The following BLTP1 variants were observed in gnomAD, a reference collection of about 807,000 sequenced individuals.
The protein encoded by BLTP1 is bridge-like lipid transfer protein family member 1.
chr4:122,242,530 AACTG>A, the BLTP1 span, among the ~76,000 whole-genome samples: 5 of 152,198 alleles, frequency 3.3e-5, no homozygotes, highest in African/African-American at 1.2e-4. Flanking sequence ...AAGTCTAAAT[AACTG>A]ACAAGCATTT....
At chr4:122,355,796 A>G in the BLTP1 span, 1 of 1,594,608 alleles carries the variant, frequency 6.3e-7, no homozygotes, top group Non-Finnish European at 8.6e-7. Flanking sequence ...ATGCATGTAG[A>G]GCTAAATCTG....
the BLTP1 span, chr4:122,286,733 C>G: frequency 1.9e-6 from 3 of 1,613,864 alleles, no homozygotes; most frequent in Non-Finnish European, 2.5e-6. Flanking sequence ...GATGAACTGC[C>G]TTCTAAACAA....
the BLTP1 span, chr4:122,305,737 A>G: frequency 7.4e-7 from 1 of 1,345,330 alleles, no homozygotes; most frequent in Non-Finnish European, 9.7e-7. Flanking sequence ...GGTACAGAGT[A>G]TAAGGAATAT....
At chr4:122,194,520 C>T in the BLTP1 span, 1 of 886,960 alleles carries the variant, frequency 1.1e-6, no homozygotes, top group African/African-American at 1.8e-5. Flanking sequence ...AGAGATTTTA[C>T]ATTTCATTAA....
the BLTP1 span, chr4:122,185,449 A>T: frequency 3.7e-5 from 36 of 983,946 alleles, no homozygotes; most frequent in South Asian, 1.6e-3. Flanking sequence ...CTTAGTAGAA[A>T]CAAGTGCCTC....
the BLTP1 span, chr4:122,167,906 A>C: frequency 2.0e-6 from 2 of 985,344 alleles, no homozygotes; most frequent in Non-Finnish European, 2.4e-6. Context: ...CGTTTGCTCC[A>C]TGAAGATTTT....
the BLTP1 span, chr4:122,271,793 T>C: frequency 9.9e-7 from 1 of 1,009,896 alleles, no homozygotes; most frequent in South Asian, 1.8e-5. Flanking sequence ...AGCAGAAGAC[T>C]GTTCATCATG....
the BLTP1 span, chr4:122,276,051 T>C: frequency 1.9e-6 from 3 of 1,541,194 alleles, no homozygotes; most frequent in African/African-American, 2.8e-5. Context: ...TTTCATGGCT[T>C]TGTAATTACT....
the BLTP1 span, among the ~76,000 whole-genome samples, chr4:122,297,546 C>T: frequency 2.6e-5 from 4 of 152,190 alleles, no homozygotes; most frequent in Non-Finnish European, 1.5e-5. Flanking sequence ...GCCCAGCAAT[C>T]CCATTACTGG....
the BLTP1 span, chr4:122,226,304 A>G: frequency 7.4e-6 from 5 of 676,848 alleles, no homozygotes; most frequent in Admixed American, 1.9e-4. Flanking sequence ...CTGTAGCTCA[A>G]TGTGATATTT....
chr4:122,334,916 A>G, the BLTP1 span, among the ~76,000 whole-genome samples: 2 of 152,090 alleles, frequency 1.3e-5, no homozygotes, highest in Non-Finnish European at 2.9e-5. Context: ...TCTCTGTTGT[A>G]TAACACATTA....
At chr4:122,219,321 G>A in the BLTP1 span, 10 of 1,606,266 alleles carry the variant, frequency 6.2e-6, no homozygotes, top group South Asian at 7.8e-5. Flanking sequence ...AGCAATTTGT[G>A]TTTTCTTAAT....
the BLTP1 span, among the ~76,000 whole-genome samples, chr4:122,268,679 A>G: frequency 6.6e-6 from 1 of 152,018 alleles, no homozygotes; most frequent in African/African-American, 2.4e-5. Flanking sequence ...TCTTTGCTGC[A>G]TTTTCATCTT....
the BLTP1 span, among the ~76,000 whole-genome samples, chr4:122,236,546 A>G: frequency 6.6e-6 from 1 of 152,156 alleles, no homozygotes; most frequent in Non-Finnish European, 1.5e-5. Context: ...GAGTTGCATG[A>G]AGTGATATAG....
At chr4:122,342,796 G>A in the BLTP1 span, among the ~76,000 whole-genome samples, 1 of 152,212 alleles carries the variant, frequency 6.6e-6, no homozygotes, top group Non-Finnish European at 1.5e-5. Flanking sequence ...GTAGGCAGTT[G>A]TAATATATAA....
chr4:122,348,782 A>G, the BLTP1 span: 1 of 1,086,686 alleles, frequency 9.2e-7, no homozygotes, highest in African/African-American at 1.6e-5. Context: ...CTACTGTAGT[A>G]AAGATATTCA....
the BLTP1 span, among the ~76,000 whole-genome samples, chr4:122,221,549 T>A: frequency 1.3e-5 from 2 of 152,304 alleles, no homozygotes; most frequent in Admixed American, 1.3e-4. Flanking sequence ...ATACAATGTG[T>A]GTGCGTAGTT....
chr4:122,291,873 A>C, the BLTP1 span: 1 of 961,194 alleles, frequency 1.0e-6, no homozygotes, highest in African/African-American at 1.8e-5. Context: ...TTAAATTTTA[A>C]ACTTTTCTTT....
At chr4:122,170,151 A>G in the BLTP1 span, among the ~76,000 whole-genome samples, 1 of 152,044 alleles carries the variant, frequency 6.6e-6, no homozygotes, top group African/African-American at 2.4e-5. Flanking sequence ...TACTAAAAAT[A>G]CAAAATTAGC....
Sources: gnomAD v4.1 joint callset for allele counts (sites outside exome capture counted in the v4.1 genomes callset) on GRCh38, gnomAD v4.1.1 for gene constraint, MANE v1.5 for transcripts, NCBI Gene and HGNC (gene_info 2026-07-23, HGNC 2026-07-21) for gene names.